The following TRIP12 variants were observed in gnomAD, a reference collection of about 807,000 sequenced individuals.
TRIP12 encodes E3 ubiquitin-protein ligase TRIP12.
A neutral mutation model predicts 244.2 loss-of-function variants in TRIP12; 25 were observed. The observed-to-expected ratio is 0.10, with a 90% CI of 0.07 to 0.14. TRIP12 has a LOEUF of 0.14. Among genes scored for constraint, TRIP12 ranks in the 10% least tolerant of loss-of-function variants. TRIP12 has a pLI of 1.00. For synonymous variants in TRIP12, 905 were observed against 873.1 expected (o/e 1.04, Z -0.64); for missense variants, 1,677 against 2,486.4 (o/e 0.67, Z 6.92).
At chr2:229,800,650 A>G (rs2154267764) in intron 21 of TRIP12, among the ~76,000 whole-genome samples, 1 of 152,380 alleles carries the variant, frequency 6.6e-6, no homozygotes, top group East Asian at 1.9e-4. Context: ...GAACCACTTA[A>G]AACTATTTAA....
chr2:229,875,660 T>G (rs1027029308), intron 2 of TRIP12, among the ~76,000 whole-genome samples: 2 of 152,242 alleles, frequency 1.3e-5, no homozygotes, highest in African/African-American at 2.4e-5. Context: ...TTTCTGAGTT[T>G]CAACTGAAAG....
At chr2:229,832,141 T>G (rs2053607751) in intron 6 of TRIP12, among the ~76,000 whole-genome samples, 1 of 152,206 alleles carries the variant, frequency 6.6e-6, no homozygotes, top group Non-Finnish European at 1.5e-5. Context: ...ATTTTCTATG[T>G]AACTTCATTA....
chr2:229,892,233 T>C (rs932582938), intron 1 of TRIP12, among the ~76,000 whole-genome samples: 1 of 152,088 alleles, frequency 6.6e-6, no homozygotes, highest in African/African-American at 2.4e-5. Flanking sequence ...AAAAGCTACT[T>C]TGGGTTGAAT....
chr2:229,838,184 T>C (rs1233141589), intron 5 of TRIP12, among the ~76,000 whole-genome samples: 4 of 152,218 alleles, frequency 2.6e-5, no homozygotes, highest in African/African-American at 9.6e-5. Context: ...AAAGCTTCCC[T>C]ACACAGAAAT....
chr2:229,775,881 T>C (rs1371013913), intron 37 of TRIP12, among the ~76,000 whole-genome samples: 1 of 151,978 alleles, frequency 6.6e-6, no homozygotes, highest in East Asian at 2.0e-4. Flanking sequence ...AGTCAATTTC[T>C]GGAGTGTGGA....
chr2:229,871,191 G>A (rs2062527225), intron 2 of TRIP12, among the ~76,000 whole-genome samples: 1 of 148,084 alleles, frequency 6.8e-6, no homozygotes, highest in Non-Finnish European at 1.5e-5. Context: ...AGAGAGGGGA[G>A]GAGAGGGGAG....
intron 1 of TRIP12, among the ~76,000 whole-genome samples, chr2:229,908,555 AC>A (rs2073488864): frequency 6.7e-6 from 1 of 149,658 alleles, no homozygotes; most frequent in Non-Finnish European, 1.5e-5. Flanking sequence ...CCATGGTGAA[AC>A]CCCGTCTCTA....
At chr2:229,837,011 C>T (rs1366698009) in intron 5 of TRIP12, 27 bp from the exon 6 acceptor site, 1 of 1,495,200 alleles carries the variant, frequency 6.7e-7, no homozygotes, top group Non-Finnish European at 8.9e-7. Flanking sequence ...TCATCATGGG[C>T]AGCATTACCA....
In TRIP12 at chr2:229,863,565, C is replaced by A. The variant is rs192828636; in HGVS notation, c.99-3034G>T. 1.2e-4 allele frequency among the ~76,000 whole-genome samples: 18 copies of A among 152,204 alleles called. No individual in the cohort carries two copies. The East Asian group carries it at 3.3e-3, about 28-fold the overall frequency. ...GGCAGTGAGCCAGATTCAGCCCATGCGCTATAGTTTTCAACCCTGGCTAAC... is the reference window on the plus strand; with the variant it reads ...GGCAGTGAGCCAGATTCAGCCCATGAGCTATAGTTTTCAACCCTGGCTAAC... On this transcript the variant is annotated intron_variant, in intron 2 of 41. Transcript: ENST00000675903.
chr2:229,891,698 C>T (rs1159961237), intron 1 of TRIP12, among the ~76,000 whole-genome samples: 1 of 152,218 alleles, frequency 6.6e-6, no homozygotes, highest in Non-Finnish European at 1.5e-5. Context: ...AACTGTGACA[C>T]AGATTTACGC....
At position 229,811,052 on chromosome 2, in the gene TRIP12, A is replaced by C. The variant is rs909667762; in HGVS notation, c.2056-7T>G. The C allele has an allele frequency of 6.2e-7, 1 of 1,613,834 alleles. No homozygotes were observed. The highest frequency in any genetic ancestry group is 8.5e-7 in the Non-Finnish European group (1 of 1,179,886). On this transcript the variant is annotated splice_polypyrimidine_tract_variant and splice_region_variant and intron_variant, in intron 14 of 41. Transcript: ENST00000675903. The stretch of plus-strand genomic sequence containing the variant: ...CAACCTGCTGGAGTAAATTCTTCAC[A>C]AACACAAGAATAAAGGAATTATTAC...
intron 21 of TRIP12, 44 bp downstream of exon 21, chr2:229,802,208 G>A (rs779100004): frequency 2.1e-5 from 31 of 1,502,092 alleles, no homozygotes; most frequent in South Asian, 2.6e-5. Flanking sequence ...CCAAAGCAGC[G>A]CTAACAGCAA....
intron 2 of TRIP12, among the ~76,000 whole-genome samples, chr2:229,867,171 G>GTTTTTTTTTTTT (rs11335613): frequency 2.4e-5 from 3 of 123,536 alleles, no homozygotes; most frequent in African/African-American, 3.0e-5. Context: ...TTGTTTGTTT[G>GTTTTTTTTTTTT]TTTTTTTTTT....
chr2:229,860,524 A>G lies in TRIP12; in HGVS notation c.106T>C (p.Leu36=). The change falls in exon 3 of 42, where the codon TTA becomes CTA. Residue 36 remains leucine, a synonymous_variant. Transcript: ENST00000675903. ...QDDSIGGRSH[L]GQAKHKGYSP... Reference sequence around the variant, plus strand: ...TATCCCTTATGTTTTGCCTGCCCTAAATGTGACCTGTCAGCAGAAAATCAA... The same window carrying G: ...TATCCCTTATGTTTTGCCTGCCCTAGATGTGACCTGTCAGCAGAAAATCAA... The G allele has an allele frequency of 6.3e-7, 1 of 1,598,352 alleles. No individual in the cohort carries two copies. The highest frequency in any genetic ancestry group is 2.2e-5 in the East Asian group (1 of 44,574).
chr2:229,785,658 C>A, intron 34 of TRIP12, 99 bp downstream of exon 34: 1 of 1,116,580 alleles, frequency 9.0e-7, no homozygotes, highest in South Asian at 1.6e-5. Flanking sequence ...CAAAGTCTCC[C>A]AACTGTCTTT....
intron 6 of TRIP12, among the ~76,000 whole-genome samples, chr2:229,832,140 G>C (rs2053607029): frequency 6.6e-6 from 1 of 151,890 alleles, no homozygotes; most frequent in Non-Finnish European, 1.5e-5. Context: ...TATTTTCTAT[G>C]TAACTTCATT....
chr2:229,837,380 A>AC (rs937315794), intron 5 of TRIP12, among the ~76,000 whole-genome samples: 2 of 152,098 alleles, frequency 1.3e-5, no homozygotes, highest in Non-Finnish European at 2.9e-5. Flanking sequence ...CATGCCTGTA[A>AC]CCCCAGCACT....
intron 1 of TRIP12, among the ~76,000 whole-genome samples, chr2:229,921,027 TC>T (rs757356322): frequency 3.2e-5 from 3 of 92,996 alleles, no homozygotes; most frequent in Non-Finnish European, 6.7e-5. Flanking sequence ...CCCACCTCCC[TC>T]CCCCAAGTCC....
intron 30 of TRIP12, among the ~76,000 whole-genome samples, chr2:229,790,881 T>C (rs954744257): frequency 8.3e-5 from 11 of 131,914 alleles, no homozygotes; most frequent in Non-Finnish European, 7.9e-5. Flanking sequence ...TGAACTCTTA[T>C]ATGAACTGGG....
Sources: allele counts gnomAD v4.1 joint callset (sites outside exome capture counted in the v4.1 genomes callset), GRCh38; gene constraint gnomAD v4.1.1; transcripts MANE v1.5; gene names NCBI Gene and HGNC (gene_info 2026-07-23, HGNC 2026-07-21).